Variants in ZNF285 observed in about 807,000 individuals in gnomAD.
ZNF285 encodes the protein zinc finger protein 285.
A neutral mutation model predicts 6.2 loss-of-function variants in ZNF285; 4 were observed. The observed-to-expected ratio is 0.65, with a 90% CI of 0.32 to 1.49. The LOEUF is 1.49. Among genes scored for constraint, ZNF285 ranks in the 40% most tolerant of loss-of-function variants. The pLI, the probability that ZNF285 is intolerant of heterozygous loss-of-function variation, is 0.07. For synonymous variants in ZNF285, 240 were observed against 245.8 expected (o/e 0.98, Z 0.22); for missense variants, 695 against 708.8 (o/e 0.98, Z 0.22).
intron 3 of ZNF285, among the ~76,000 whole-genome samples, chr19:44,389,668 C>G (rs1971160784): frequency 6.6e-6 from 1 of 151,836 alleles, no homozygotes; most frequent in African/African-American, 2.4e-5. Context: ...ATTTAGGGTA[C>G]ACGTGCACAA....
chr19:44,390,566 T>C lies in ZNF285; in HGVS notation c.142+1774A>G, dbSNP rs182221427. On this transcript the variant is annotated intron_variant, in intron 3 of 3. Transcript: ENST00000614994. ...TGGAAGAGACTTGGCTTGTCTCCGA[T>C]GAGACAATGGACTGTGGACTTTTGA... Among the ~76,000 whole-genome samples the C allele has an allele frequency of 1.8e-3, 279 of 152,246 alleles. 2 individuals carry two copies. The highest frequency in any genetic ancestry group is 6.6e-3 in the African/African-American group (273 of 41,504).
chr19:44,397,536 CA>C (rs1971302461), intron 1 of ZNF285, among the ~76,000 whole-genome samples: 1 of 152,128 alleles, frequency 6.6e-6, no homozygotes, highest in African/African-American at 2.4e-5. Flanking sequence ...AATGAACTGA[CA>C]TAATCTACAT....
At chr19:44,389,976 A>G (rs890530955) in intron 3 of ZNF285, among the ~76,000 whole-genome samples, 1 of 152,140 alleles carries the variant, frequency 6.6e-6, no homozygotes, top group Non-Finnish European at 1.5e-5. Context: ...TGGGCAAGTT[A>G]TTAATTCTGT....
intron 1 of ZNF285, 33 bp from the exon 2 acceptor site, chr19:44,397,289 G>A (rs575877612): frequency 3.7e-6 from 6 of 1,605,878 alleles, no homozygotes; most frequent in South Asian, 1.1e-5. Flanking sequence ...GAGATCATGG[G>A]TTCAACAAGT....
chr19:44,388,902 C>T (rs111483931), intron 3 of ZNF285, among the ~76,000 whole-genome samples: 99 of 142,452 alleles, frequency 6.9e-4, no homozygotes, highest in African/African-American at 2.3e-3. Context: ...ACCTGCACAA[C>T]TGTACATGAT....
intron 3 of ZNF285, among the ~76,000 whole-genome samples, chr19:44,390,363 G>A (rs1476856010): frequency 7.2e-5 from 11 of 152,188 alleles, no homozygotes; most frequent in Admixed American, 7.2e-4. Context: ...AGTCAAAGGA[G>A]ATCACTTTTG....
chr19:44,390,134 C>T (rs1403079129), intron 3 of ZNF285, among the ~76,000 whole-genome samples: 1 of 152,182 alleles, frequency 6.6e-6, no homozygotes, highest in Non-Finnish European at 1.5e-5. Flanking sequence ...AGGGCACTGC[C>T]TATTGGAGCT....
intron 3 of ZNF285, among the ~76,000 whole-genome samples, chr19:44,390,948 G>C (rs185288954): frequency 2.0e-4 from 31 of 152,154 alleles, no homozygotes; most frequent in African/African-American, 7.5e-4. Flanking sequence ...GAGGTCAAGA[G>C]ATTGAGGCCA....
chr19:44,395,450 A>T (rs1330995331), intron 2 of ZNF285, among the ~76,000 whole-genome samples: 1 of 152,194 alleles, frequency 6.6e-6, no homozygotes, highest in Non-Finnish European at 1.5e-5. Context: ...AAAAGACATT[A>T]TGAGATACAA....
chr19:44,393,125 G>C (rs558323176), intron 2 of ZNF285, among the ~76,000 whole-genome samples: 4 of 152,218 alleles, frequency 2.6e-5, no homozygotes, highest in Admixed American at 2.6e-4. Flanking sequence ...TGGAAATGTA[G>C]GAAAATGCTC....
chr19:44,392,410 T>C lies in ZNF285; in HGVS notation c.72A>G (p.Leu24=), dbSNP rs747646129. ...ACAGGTTTATCTGGGCTTTATCCAATAGTGCCAGCTCTTCCTTGGTGAAGA... is the reference window on the plus strand; with the variant it reads ...ACAGGTTTATCTGGGCTTTATCCAACAGTGCCAGCTCTTCCTTGGTGAAGA... ...AVVFTKEELA[L]LDKAQINLYQ... Residue 24 remains leucine, a synonymous_variant, in exon 3 of 4, where the codon CTA becomes CTG. Transcript: ENST00000614994. The C allele has an allele frequency of 1.1e-5, 18 of 1,613,734 alleles. No homozygotes were observed. The African/African-American group carries it at 2.1e-4, about 19-fold the overall frequency.
chr19:44,394,879 CCTT>C (rs1265479974), intron 2 of ZNF285, among the ~76,000 whole-genome samples: 13 of 152,168 alleles, frequency 8.5e-5, no homozygotes, highest in African/African-American at 3.1e-4. Context: ...CTACTGTATG[CCTT>C]CTTCTGTGGG....
rs1971114840 is a variant in ZNF285 at position 44,387,642 on chromosome 19, C to T, written c.603G>A (p.Glu201=). The T allele has an allele frequency of 1.2e-6, 2 of 1,613,864 alleles. No homozygotes were observed. The highest frequency in any genetic ancestry group is 1.1e-5 in the South Asian group (1 of 91,076). Residue 201 remains glutamate (E), a synonymous_variant, in exon 4 of 4, where the codon GAG becomes GAA. Coordinates refer to ENST00000614994, the MANE Select transcript of ZNF285 (RefSeq NM_152354.6). ...DHHESQECKG[E]DPGRHPSCGK... ...CACAGCTGGGATGTCTACCAGGGTC[C>T]TCTCCTTTACATTCTTGGGACTCAT...
chr19:44,387,371 C>A lies in ZNF285; in HGVS notation c.874G>T (p.Glu292Ter). The change falls in exon 4 of 4, where the codon GAA (glutamate) becomes TAA (stop). Residue 292 changes from glutamate to a stop codon, truncating the protein, a stop_gained. Coordinates refer to ENST00000614994, the MANE Select transcript of ZNF285 (RefSeq NM_152354.6). LOFTEE classifies it low-confidence loss of function (END_TRUNC). Reference sequence around the variant, plus strand: ...CTCTGTTTGCAGCCCATAGGCCATTCGTGGAATTCATAGGGAGTCTTGCCA... The same window carrying A: ...CTCTGTTTGCAGCCCATAGGCCATTAGTGGAATTCATAGGGAGTCTTGCCA... ...HSGKTPYEFH[E>*]WPMGCKQSSD... is the part of the protein sequence containing the mutation. 6.2e-7 allele frequency: 1 copy of A among 1,614,110 alleles called. No homozygotes were observed. Among genetic ancestry groups the A allele is most frequent in the Non-Finnish European group, 8.5e-7 (1 of 1,180,024 alleles).
At position 44,386,614 on chromosome 19, in the gene ZNF285, G is replaced by A. The variant is rs868086440; in HGVS notation, c.1631C>T (p.Ala544Val). ...ATTACGACTGAAGCCCTTACCACAT[G>A]CCTTACACTTATAGGGCCTCTCTCC... The part of the protein sequence containing the change: ...HTGERPYKCK[A>V]CGKGFSRNSY... Residue 544 changes from alanine (A) to valine (V), a missense_variant, in exon 4 of 4, where the codon GCA becomes GTA. Physicochemically the swap from Ala to Val is moderately conservative, Grantham distance 64. Coordinates refer to ENST00000614994, the MANE Select transcript of ZNF285 (RefSeq NM_152354.6). The A allele has an allele frequency of 1.2e-5, 19 of 1,614,004 alleles. No individual in the cohort carries two copies. In the Middle Eastern group the frequency reaches 1.8e-3, roughly 154 times the overall value.
chr19:44,388,029 A>G lies in ZNF285; in HGVS notation c.216T>C (p.His72=). The change falls in exon 4 of 4, where the codon CAT becomes CAC. Residue 72 remains histidine, a synonymous_variant. Transcript: ENST00000614994. ...GLSYLSQEVL[H]CWQIWKQRIR... ...TCCTTTGTTTCCAAATCTGCCAGCAATGAAGCACTTCTTGCGAAAGGTAAC... is the reference window on the plus strand; with the variant it reads ...TCCTTTGTTTCCAAATCTGCCAGCAGTGAAGCACTTCTTGCGAAAGGTAAC... The G allele has an allele frequency of 1.2e-6, 2 of 1,614,170 alleles. No homozygotes were observed. Among genetic ancestry groups the G allele is most frequent in the East Asian group, 2.2e-5 (1 of 44,874 alleles).
intron 2 of ZNF285, 46 bp from the exon 3 acceptor site, chr19:44,392,512 T>A (rs1475851374): frequency 6.2e-7 from 1 of 1,613,534 alleles, no homozygotes; most frequent in African/African-American, 1.3e-5. Context: ...CACAAATGAC[T>A]GGTCTTAGTC....
chr19:44,386,285 G>T lies in ZNF285; in HGVS notation c.*187C>A. ...CCATTGTAGCATACAGCAGTTGATGGGAGCTTCACAGAAGTTCTTGAAATC... is the reference window on the plus strand; with the variant it reads ...CCATTGTAGCATACAGCAGTTGATGTGAGCTTCACAGAAGTTCTTGAAATC... On this transcript the variant is annotated 3_prime_UTR_variant, in exon 4 of 4. Coordinates refer to ENST00000614994, the MANE Select transcript of ZNF285 (RefSeq NM_152354.6). 1 of 630,538 alleles carries T rather than the reference G, an allele frequency of 1.6e-6. No individual in the cohort carries two copies. Among genetic ancestry groups the T allele is most frequent in the Non-Finnish European group, 2.7e-6 (1 of 376,150 alleles). The allele number at this position is 630,538 out of a possible 1,614,324, so 39.1% of individuals were successfully genotyped here.
In ZNF285 at chr19:44,387,203, C is replaced by G. The variant is rs1364201580; in HGVS notation, c.1042G>C (p.Glu348Gln). The change falls in exon 4 of 4, where the codon GAA becomes CAA. Residue 348 changes from glutamate to glutamine, a missense_variant. Transcript: ENST00000614994. ...HTGEMPYKCD[E>Q]CGKGFGFRSL... is the part of the protein sequence containing the mutation. ...CTAAATCCAAACCCTTTCCCACATTCATCGCATTTGTAGGGCATCTCCCCT... is the reference window on the plus strand; with the variant it reads ...CTAAATCCAAACCCTTTCCCACATTGATCGCATTTGTAGGGCATCTCCCCT... 6.2e-7 allele frequency: 1 copy of G among 1,613,994 alleles called. No homozygotes were observed. Among genetic ancestry groups the G allele is most frequent in the African/African-American group, 1.3e-5 (1 of 74,890 alleles).
Sources: gnomAD v4.1 joint callset for allele counts (sites outside exome capture counted in the v4.1 genomes callset) on GRCh38, gnomAD v4.1.1 for gene constraint, MANE v1.5 for transcripts, NCBI Gene and HGNC (gene_info 2026-07-23, HGNC 2026-07-21) for gene names.